Variants in TET3 observed in about 807,000 individuals in gnomAD.
TET3 encodes the protein methylcytosine dioxygenase TET3.
In TET3, 19 loss-of-function variants were observed where a neutral mutation model predicts 141.4. The observed-to-expected ratio is 0.13, with a 90% CI of 0.09 to 0.20. TET3 has a LOEUF of 0.20. TET3 is among the 10% of genes least tolerant of loss of function. The pLI, the probability that TET3 is intolerant of heterozygous loss-of-function variation, is 1.00. For synonymous variants in TET3, 1,043 were observed against 980.9 expected, an observed-to-expected ratio of 1.06 and a Z score of -1.18; for missense variants, 1,874 against 2,356.9, an observed-to-expected ratio of 0.80 and a Z score of 4.24.
rs1047313181 is a variant in TET3, at chr2:74,092,025, C to T, written c.3040-877C>T. 1.1e-4 allele frequency among the ~76,000 whole-genome samples: 17 copies of T among 152,288 alleles called. 1 individual carries two copies. The highest frequency in any genetic ancestry group is 8.5e-4 in the Admixed American group (13 of 15,298). Reference sequence around the variant, plus strand: ...CTTTAATTTTTATTAGAATTCAGGCCGGGCATTGTGGCTCACGCCTGTAAT... The same window carrying T: ...CTTTAATTTTTATTAGAATTCAGGCTGGGCATTGTGGCTCACGCCTGTAAT... On this transcript the variant is annotated intron_variant, in intron 8 of 11. Coordinates refer to ENST00000409262, the MANE Select transcript of TET3 (RefSeq NM_001287491.2).
intron 4 of TET3, among the ~76,000 whole-genome samples, chr2:74,058,926 A>G (rs80285778): frequency 0.018 from 2,776 of 152,360 alleles, 85 homozygotes; most frequent in African/African-American, 0.061. Flanking sequence ...GAGTCTGTAA[A>G]GTTTTATGAA....
chr2:74,119,502 C>CGGAA, the TET3 span, among the ~76,000 whole-genome samples: 1 of 152,234 alleles, frequency 6.6e-6, no homozygotes, highest in East Asian at 1.9e-4. Context: ...TGTGTTCTTC[C>CGGAA]TGTTCCTCAC....
chr2:74,010,337 T>A (rs1685364555), intron 3 of TET3, among the ~76,000 whole-genome samples: 1 of 152,210 alleles, frequency 6.6e-6, no homozygotes. Context: ...GCCCGAGGTC[T>A]GGGGGAAGCC....
chr2:74,014,329 G>A (rs1297867252), intron 3 of TET3, among the ~76,000 whole-genome samples: 2 of 152,054 alleles, frequency 1.3e-5, no homozygotes, highest in African/African-American at 4.8e-5. Flanking sequence ...TATGTCTGGA[G>A]TTCTTGGAGA....
intron 2 of TET3, among the ~76,000 whole-genome samples, chr2:73,996,333 C>T (rs551873229): frequency 6.6e-6 from 1 of 151,986 alleles, no homozygotes; most frequent in Non-Finnish European, 1.5e-5. Context: ...CTTTTTTAGC[C>T]CTGCTCAACC....
At chr2:73,983,819 AGT>A (rs1278161123), upstream of TET3, among the ~76,000 whole-genome samples, 1 of 152,078 alleles carries the variant, frequency 6.6e-6, no homozygotes, top group Non-Finnish European at 1.5e-5. Context: ...GACTCGCCCG[AGT>A]GTGTGTGTGC....
intron 8 of TET3, among the ~76,000 whole-genome samples, chr2:74,090,368 TC>T (rs1157837528): frequency 6.6e-6 from 1 of 152,102 alleles, no homozygotes; most frequent in African/African-American, 2.4e-5. Context: ...AGGTCATTTC[TC>T]CCCCCCATCT....
In TET3 at chr2:74,048,286, C is replaced by T; in HGVS notation, c.2369C>T (p.Pro790Leu). ...QEATPTKAENPLTPTLSGFLE... is the reference protein window; with the variant it reads ...QEATPTKAENLLTPTLSGFLE... The stretch of plus-strand genomic sequence containing the variant: ...GCCACACCCACCAAGGCTGAGAACC[C>T]ACTCACACCCACCCTCAGTGGCTTC... The change falls in exon 4 of 12, where the codon CCA (proline) becomes CTA (leucine). Residue 790 changes from proline (P) to leucine (L), a missense_variant. Physicochemically the swap from Pro to Leu is moderately conservative, Grantham distance 98 (BLOSUM62 -3). Coordinates refer to ENST00000409262, the MANE Select transcript of TET3 (RefSeq NM_001287491.2). 6.2e-7 allele frequency: 1 copy of T among 1,613,902 alleles called. No individual in the cohort carries two copies. The highest frequency in any genetic ancestry group is 8.5e-7 in the Non-Finnish European group (1 of 1,179,864).
chr2:74,021,915 G>C (rs1038083927), intron 3 of TET3, among the ~76,000 whole-genome samples: 3 of 152,156 alleles, frequency 2.0e-5, no homozygotes, highest in African/African-American at 7.2e-5. Flanking sequence ...AGACATTTCA[G>C]ATATGATCAA....
chr2:74,022,747 G>A (rs1686122659), intron 3 of TET3, among the ~76,000 whole-genome samples: 1 of 152,028 alleles, frequency 6.6e-6, no homozygotes, highest in African/African-American at 2.4e-5. Context: ...AATTCAGTGA[G>A]TCTGAGATGA....
At chr2:74,130,264 A>G in the TET3 span, among the ~76,000 whole-genome samples, 1 of 152,162 alleles carries the variant, frequency 6.6e-6, no homozygotes, top group Admixed American at 6.5e-5. Flanking sequence ...TACAGAAAAA[A>G]TAAATTACAC....
chr2:74,099,075 G>A (rs1691011341), intron 10 of TET3, among the ~76,000 whole-genome samples: 1 of 152,192 alleles, frequency 6.6e-6, no homozygotes, highest in African/African-American at 2.4e-5. Flanking sequence ...GAAAGTTGAT[G>A]AGTGGACTGT....
chr2:74,091,642 C>T lies in TET3; in HGVS notation c.3040-1260C>T, dbSNP rs147617730. ...GGTCAAGAGTGGCTGGCAGCCCTGG[C>T]GACCCCACTGGATGTACAGCTGAGC... On this transcript the variant is annotated intron_variant, in intron 8 of 11. Transcript: ENST00000409262. Among the ~76,000 whole-genome samples the T allele has an allele frequency of 5.8e-3, 882 of 152,344 alleles. 5 individuals are homozygous for T. Among genetic ancestry groups the T allele is most frequent in the African/African-American group, 0.02 (826 of 41,580 alleles).
At chr2:73,999,623 A>G (rs1684749819) in intron 2 of TET3, among the ~76,000 whole-genome samples, 1 of 149,394 alleles carries the variant, frequency 6.7e-6, no homozygotes, top group South Asian at 2.1e-4. Context: ...CTGTGGCTCC[A>G]TTCCTCCTGC....
intron 3 of TET3, among the ~76,000 whole-genome samples, chr2:74,038,377 G>C (rs1687176635): frequency 1.3e-5 from 2 of 152,192 alleles, no homozygotes; most frequent in Non-Finnish European, 2.9e-5. Context: ...CCTCCAACTT[G>C]GGGAAGACCT....
rs541776751 is a variant in TET3, at chr2:73,986,713, C to A, written c.303+7C>A. 37 of 1,231,864 alleles carry A rather than the reference C, an allele frequency of 3.0e-5. No homozygotes were observed. The highest frequency in any genetic ancestry group is 3.1e-4 in the Middle Eastern group (1 of 3,208). The allele number at this position is 1,231,864 out of a possible 1,614,324, so 76.3% of individuals were successfully genotyped here. On this transcript the variant is annotated splice_region_variant and intron_variant, in intron 2 of 11. Transcript: ENST00000409262. ...AGTAGGGCTTCTCAAGGAGGTAAGC[C>A]GGCCCTTGCTGGGCTACCCTGTTCC...
chr2:74,003,540 G>C (rs1684983652), intron 3 of TET3, among the ~76,000 whole-genome samples: 1 of 149,130 alleles, frequency 6.7e-6, no homozygotes, highest in Admixed American at 6.6e-5. Context: ...AGAAATCCCG[G>C]GGGGGACGGT....
At chr2:74,061,470 G>A (rs1353436555) in intron 4 of TET3, among the ~76,000 whole-genome samples, 4 of 140,892 alleles carry the variant, frequency 2.8e-5, no homozygotes, top group Admixed American at 6.9e-5. Flanking sequence ...GCGGGGGACT[G>A]ACCCCCCCAC....
chr2:74,076,441 GTTTTTTTTTTTTT>G (rs70965785), intron 5 of TET3, among the ~76,000 whole-genome samples: 14 of 56,554 alleles, frequency 2.5e-4, no homozygotes, highest in South Asian at 1.0e-3. Context: ...ATTCCTCTGG[GTTTTTTTTTTTTT>G]TTTTTTTTTT....
Sources: allele counts gnomAD v4.1 joint callset (sites outside exome capture counted in the v4.1 genomes callset), GRCh38; gene constraint gnomAD v4.1.1; transcripts MANE v1.5; gene names NCBI Gene and HGNC (gene_info 2026-07-23, HGNC 2026-07-21).